The following PRKG1 variants were observed in gnomAD, a reference collection of about 807,000 sequenced individuals.
PRKG1 encodes protein kinase cGMP-dependent 1.
Under a neutral mutation model 88.1 loss-of-function variants are expected in PRKG1, and 35 were observed. The ratio of observed to expected loss-of-function variants is 0.40; its 90% CI spans 0.30 to 0.53. The LOEUF (loss-of-function observed/expected upper bound fraction) is 0.53. Among genes scored for constraint, PRKG1 ranks in the 20% least tolerant of loss-of-function variants. PRKG1 has a pLI of 0.59. For synonymous variants in PRKG1, 303 were observed against 292.5 expected (o/e 1.04, Z -0.37); for missense variants, 540 against 839.8 (o/e 0.64, Z 4.41).
chr10:51,455,600 A>G (rs1352866795), intron 2 of PRKG1, among the ~76,000 whole-genome samples: 1 of 152,204 alleles, frequency 6.6e-6, no homozygotes, highest in Non-Finnish European at 1.5e-5. Flanking sequence ...TCAAAGTTCC[A>G]CAAACCTCTA....
At chr10:52,058,082 A>C (rs1171825375) in intron 6 of PRKG1, among the ~76,000 whole-genome samples, 1 of 152,006 alleles carries the variant, frequency 6.6e-6, no homozygotes, top group East Asian at 1.9e-4. Context: ...ATTAAAATTT[A>C]ATAAGAGTTT....
At chr10:52,057,899 A>G (rs1846147375) in intron 6 of PRKG1, among the ~76,000 whole-genome samples, 2 of 152,172 alleles carry the variant, frequency 1.3e-5, no homozygotes, top group South Asian at 4.2e-4. Flanking sequence ...TTTAATATCA[A>G]GAACAAGATA....
At chr10:51,638,223 A>G (rs1285455375) in intron 3 of PRKG1, among the ~76,000 whole-genome samples, 2 of 152,276 alleles carry the variant, frequency 1.3e-5, no homozygotes, top group East Asian at 3.9e-4. Flanking sequence ...AAAATTGACT[A>G]GCAGTTTTAT....
intron 3 of PRKG1, among the ~76,000 whole-genome samples, chr10:51,540,938 C>G (rs775044075): frequency 6.6e-6 from 1 of 152,110 alleles, no homozygotes; most frequent in Non-Finnish European, 1.5e-5. Context: ...AGGCTGGTCT[C>G]GAACTCCTGA....
At chr10:52,126,444 G>A (rs570577712) in intron 7 of PRKG1, among the ~76,000 whole-genome samples, 1 of 152,128 alleles carries the variant, frequency 6.6e-6, no homozygotes, top group South Asian at 2.1e-4. Context: ...GTTATCTCCT[G>A]GTAGATGGTG....
intron 6 of PRKG1, among the ~76,000 whole-genome samples, chr10:52,057,227 A>G (rs1186252002): frequency 6.6e-6 from 1 of 152,208 alleles, no homozygotes; most frequent in Admixed American, 6.5e-5. Context: ...AACAATTTTT[A>G]TTCTTCCATT....
chr10:51,828,908 T>C (rs1206941620), intron 4 of PRKG1, among the ~76,000 whole-genome samples: 2 of 152,236 alleles, frequency 1.3e-5, no homozygotes, highest in African/African-American at 4.8e-5. Flanking sequence ...TATTGCAGTA[T>C]GACAAATTAC....
intron 2 of PRKG1, among the ~76,000 whole-genome samples, chr10:51,352,603 A>C (rs1489946328): frequency 6.6e-6 from 1 of 152,162 alleles, no homozygotes; most frequent in Non-Finnish European, 1.5e-5. Flanking sequence ...GACACACACC[A>C]AAAAAATGGA....
At position 52,005,620 on chromosome 10, in the gene PRKG1, C is replaced by A. The variant is rs960043804; in HGVS notation, c.763-48864C>A. 3.3e-5 allele frequency among the ~76,000 whole-genome samples: 5 copies of A among 152,184 alleles called. No individual in the cohort carries two copies. The South Asian group carries it at 1.0e-3, about 32-fold the overall frequency. On this transcript the variant is annotated intron_variant, in intron 5 of 17. Transcript: ENST00000373980. ...AGTAACATGGGCATTTCCACCCACC[C>A]CTGCCATTGGTAGCCAGGTGAGCAA...
chr10:51,847,268 T>C (rs967614947), intron 4 of PRKG1, among the ~76,000 whole-genome samples: 5 of 152,244 alleles, frequency 3.3e-5, no homozygotes, highest in African/African-American at 1.2e-4. Flanking sequence ...TAAACAATGC[T>C]ACTTGTCACT....
intron 3 of PRKG1, among the ~76,000 whole-genome samples, chr10:51,555,886 C>A (rs1369994413): frequency 2.0e-5 from 3 of 151,848 alleles, no homozygotes; most frequent in African/African-American, 4.8e-5. Flanking sequence ...TCTGAAGTTA[C>A]CAGATTCTAA....
chr10:50,991,676 G>T lies in PRKG1; in HGVS notation c.266+32G>T, dbSNP rs780518717. ...GCGGAGGCCGTGGGCCCGGGCGCTC[G>T]TCCCGGCCCGCGGCGCAGAGGCTGG... On this transcript the variant is annotated intron_variant, in intron 1 of 17. Coordinates refer to the PRKG1 transcript ENST00000401604. The surrounding 1 kb of genome is among the most constrained non-coding windows in gnomAD (Gnocchi z 4.5). The T allele has an allele frequency of 3.5e-6, 5 of 1,415,296 alleles. No homozygotes were observed. In the African/African-American group the frequency reaches 6.1e-5, roughly 17 times the overall value. The allele number at this position is 1,415,296 out of a possible 1,614,324, so 87.7% of individuals were successfully genotyped here. A position where few individuals can be genotyped will look rare whatever the true frequency, so the allele number is the denominator to read the frequency against.
At chr10:51,507,794 A>G (rs1352730894) in intron 3 of PRKG1, among the ~76,000 whole-genome samples, 1 of 152,146 alleles carries the variant, frequency 6.6e-6, no homozygotes, top group Non-Finnish European at 1.5e-5. Context: ...AGCTCTTTCA[A>G]TTACACCATC....
chr10:52,064,734 A>G (rs561268412), intron 7 of PRKG1, among the ~76,000 whole-genome samples: 6 of 152,196 alleles, frequency 3.9e-5, no homozygotes, highest in African/African-American at 1.2e-4. Context: ...GGGAGCTCCC[A>G]TCCCAACTCA....
intron 3 of PRKG1, among the ~76,000 whole-genome samples, chr10:51,699,924 T>C (rs559198600): frequency 6.6e-6 from 1 of 152,222 alleles, no homozygotes; most frequent in Admixed American, 6.5e-5. Flanking sequence ...TCCCTTGACG[T>C]CAAAGGCGGT....
At chr10:51,823,617 T>C (rs954328843) in intron 4 of PRKG1, among the ~76,000 whole-genome samples, 7 of 152,114 alleles carry the variant, frequency 4.6e-5, no homozygotes, top group Admixed American at 3.9e-4. Context: ...AATTTATCTA[T>C]AAATTTTTGA....
intron 3 of PRKG1, among the ~76,000 whole-genome samples, chr10:51,613,557 T>C (rs1838967797): frequency 6.6e-6 from 1 of 151,870 alleles, no homozygotes; most frequent in Non-Finnish European, 1.5e-5. Context: ...TCTGCTAATT[T>C]TGGGTTTGGT....
At chr10:51,943,179 A>G (rs1293116322) in intron 5 of PRKG1, among the ~76,000 whole-genome samples, 1 of 151,984 alleles carries the variant, frequency 6.6e-6, no homozygotes, top group African/African-American at 2.4e-5. Context: ...GTCCCTTGGA[A>G]GTTGGATTCC....
chr10:51,384,787 A>T (rs1302035127), intron 2 of PRKG1, among the ~76,000 whole-genome samples: 1 of 152,214 alleles, frequency 6.6e-6, no homozygotes, highest in East Asian at 1.9e-4. Context: ...GTCATAACTC[A>T]TATTTCCATG....
Sources: gnomAD v4.1 joint callset for allele counts (sites outside exome capture counted in the v4.1 genomes callset) on GRCh38, gnomAD v4.1.1 for gene constraint, Gnocchi (gnomAD v3.1) non-coding constraint, MANE v1.5 for transcripts, NCBI Gene and HGNC (gene_info 2026-07-23, HGNC 2026-07-21) for gene names.